Variants in RBFOX1 observed in about 807,000 individuals in gnomAD.
The protein encoded by RBFOX1 is RNA binding protein fox-1 homolog 1.
Under a neutral mutation model 57.7 loss-of-function variants are expected in RBFOX1, and 8 were observed. The observed-to-expected ratio is 0.14, with a 90% confidence interval of 0.08 to 0.25. RBFOX1 has a LOEUF of 0.25. RBFOX1 is among the 10% of genes least tolerant of loss of function. RBFOX1 has a pLI of 1.00. For synonymous variants in RBFOX1, 326 were observed against 222.4 expected, an observed-to-expected ratio of 1.47 and a Z score of -4.15; for missense variants, 611 against 548.5, an observed-to-expected ratio of 1.11 and a Z score of -1.14.
chr16:7,005,783 G>C (rs777863407), intron 3 of RBFOX1, among the ~76,000 whole-genome samples: 2 of 152,186 alleles, frequency 1.3e-5, no homozygotes, highest in Non-Finnish European at 2.9e-5. Context: ...TAAATCGCAA[G>C]ATGACCATTC....
intron 4 of RBFOX1, among the ~76,000 whole-genome samples, chr16:7,104,224 C>G (rs930370536): frequency 1.1e-4 from 17 of 152,098 alleles, no homozygotes; most frequent in African/African-American, 4.1e-4. Context: ...CTACTGAAAA[C>G]TGCAGTATTA....
intron 2 of RBFOX1, among the ~76,000 whole-genome samples, chr16:6,374,376 C>G (rs1422307817): frequency 6.6e-6 from 1 of 152,146 alleles, no homozygotes; most frequent in East Asian, 1.9e-4. Context: ...GATAGACATT[C>G]TGAATACCTG....
intron 4 of RBFOX1, among the ~76,000 whole-genome samples, chr16:7,143,585 A>G (rs1390718016): frequency 2.6e-5 from 4 of 152,068 alleles, no homozygotes; most frequent in Admixed American, 1.3e-4. Flanking sequence ...TTTCTCCCAG[A>G]CCTCCTTCTC....
At chr16:6,383,406 A>T (rs1184460496) in intron 2 of RBFOX1, among the ~76,000 whole-genome samples, 1 of 152,180 alleles carries the variant, frequency 6.6e-6, no homozygotes, top group Non-Finnish European at 1.5e-5. Context: ...GCAGTCAGAC[A>T]GTTCTTTTCT....
At chr16:7,361,025 C>G (rs1256118001) in intron 4 of RBFOX1, among the ~76,000 whole-genome samples, 2 of 152,220 alleles carry the variant, frequency 1.3e-5, no homozygotes, top group Non-Finnish European at 2.9e-5. Flanking sequence ...ATCAACCCAA[C>G]CAGGAAGCTG....
chr16:6,905,580 GT>G (rs1208970034), intron 3 of RBFOX1, among the ~76,000 whole-genome samples: 1 of 151,078 alleles, frequency 6.6e-6, no homozygotes, highest in Non-Finnish European at 1.5e-5. Context: ...TAGATGTTTG[GT>G]TACCCCTTCA....
chr16:5,983,676 C>G (rs909222117), intron 4 of RBFOX1, among the ~76,000 whole-genome samples: 1 of 152,144 alleles, frequency 6.6e-6, no homozygotes, highest in Non-Finnish European at 1.5e-5. Context: ...AACCTCCATC[C>G]TGCTTGGGGC....
At chr16:7,676,872 T>G (rs763767646) in intron 14 of RBFOX1, 34 bp downstream of exon 14, 1 of 1,568,516 alleles carries the variant, frequency 6.4e-7, no homozygotes, top group Non-Finnish European at 8.8e-7. Flanking sequence ...TGACAACTAC[T>G]TGTAAATTAA....
At chr16:7,306,175 T>A (rs1011647846) in intron 4 of RBFOX1, among the ~76,000 whole-genome samples, 1 of 152,242 alleles carries the variant, frequency 6.6e-6, no homozygotes, top group African/African-American at 2.4e-5. Flanking sequence ...TTGTGTTTTT[T>A]TCAAAAATAC....
At chr16:7,291,871 T>C (rs1361848537) in intron 4 of RBFOX1, among the ~76,000 whole-genome samples, 1 of 146,288 alleles carries the variant, frequency 6.8e-6, no homozygotes, top group Non-Finnish European at 1.5e-5. Context: ...ATTACTATAT[T>C]ACTATATATA....
At chr16:7,573,192 AAG>A (rs1230100019) in intron 5 of RBFOX1, among the ~76,000 whole-genome samples, 1 of 152,084 alleles carries the variant, frequency 6.6e-6, no homozygotes. Flanking sequence ...GTCCCAGGGA[AAG>A]AGTCTTCCAG....
At chr16:7,238,301 A>C (rs2152955812) in intron 4 of RBFOX1, among the ~76,000 whole-genome samples, 1 of 151,890 alleles carries the variant, frequency 6.6e-6, no homozygotes, top group Non-Finnish European at 1.5e-5. Context: ...TGTACTTAAC[A>C]CTACTCAACT....
chr16:7,427,796 G>A (rs758560164), intron 4 of RBFOX1, among the ~76,000 whole-genome samples: 21 of 152,038 alleles, frequency 1.4e-4, no homozygotes, highest in Admixed American at 2.0e-4. Flanking sequence ...TGGGATTACA[G>A]GCATGTGCTA....
At chr16:6,386,839 A>G (rs951941594) in intron 2 of RBFOX1, among the ~76,000 whole-genome samples, 1 of 152,188 alleles carries the variant, frequency 6.6e-6, no homozygotes, top group Non-Finnish European at 1.5e-5. Context: ...GGGGCCAGAT[A>G]GGGCTGGGAG....
At chr16:6,649,079 T>C (rs1266374329) in intron 2 of RBFOX1, among the ~76,000 whole-genome samples, 1 of 152,190 alleles carries the variant, frequency 6.6e-6, no homozygotes, top group Non-Finnish European at 1.5e-5. Flanking sequence ...AAATTTTATG[T>C]CTTTAGGCCC....
chr16:6,151,258 A>G lies in RBFOX1; in HGVS notation c.-127+131266A>G, dbSNP rs983620696. ...CCCGCGACACCATTTGTTTTCAGGA[A>G]TTGCATAATTCCTGTTGCATAATTA... is the stretch of plus-strand genomic sequence containing the variant. On this transcript the variant is annotated intron_variant, in intron 1 of 15. Transcript: ENST00000550418. Among the ~76,000 whole-genome samples, 9 of 152,140 alleles carry G rather than the reference A, an allele frequency of 5.9e-5. No homozygotes were observed. In the South Asian group the frequency reaches 1.7e-3, roughly 28 times the overall value.
chr16:5,828,566 G>C (rs866159848), intron 3 of RBFOX1, among the ~76,000 whole-genome samples: 1 of 152,166 alleles, frequency 6.6e-6, no homozygotes, highest in African/African-American at 2.4e-5. Flanking sequence ...GGGCGTGGTG[G>C]TGCACGCCTG....
chr16:7,686,061 T>A (rs1180167023), intron 14 of RBFOX1, among the ~76,000 whole-genome samples: 1 of 151,962 alleles, frequency 6.6e-6, no homozygotes, highest in African/African-American at 2.4e-5. Context: ...CTTCTTTGCG[T>A]GGTTGTGAGA....
chr16:6,809,958 T>C (rs546391033), intron 3 of RBFOX1, among the ~76,000 whole-genome samples: 13 of 151,870 alleles, frequency 8.6e-5, no homozygotes, highest in Non-Finnish European at 1.5e-4. Context: ...TGAGTTGAGA[T>C]TGATATGATC....
Sources: allele counts gnomAD v4.1 joint callset (sites outside exome capture counted in the v4.1 genomes callset), GRCh38; gene constraint gnomAD v4.1.1; transcripts MANE v1.5; gene names NCBI Gene and HGNC (gene_info 2026-07-23, HGNC 2026-07-21).